Variants in UFSP2 observed in about 807,000 individuals in gnomAD.
UFSP2 encodes UFM1 specific peptidase 2.
Under a neutral mutation model 60.2 loss-of-function variants are expected in UFSP2, and 43 were observed. That is an observed-to-expected ratio of 0.71 (90% CI 0.56 to 0.92). UFSP2 has a LOEUF of 0.92. UFSP2 is among the 40% of genes least tolerant of loss of function. The probability of loss-of-function intolerance (pLI) is 0.00; values close to 1 mark genes in which losing one functional copy is unlikely to be tolerated. For synonymous variants in UFSP2, 183 were observed against 195.1 expected (o/e 0.94, Z 0.52); for missense variants, 520 against 575.0 (o/e 0.90, Z 0.98).
At chr4:185,403,426 C>T (rs1016768322) in intron 11 of UFSP2, 68 bp downstream of exon 11, 14 of 1,572,004 alleles carry the variant, frequency 8.9e-6, no homozygotes, top group Non-Finnish European at 1.2e-5. Context: ...CTGTTACCAG[C>T]CAGTTTGTGA....
At position 185,399,906 on chromosome 4, in the gene UFSP2, G is replaced by A; in HGVS notation, c.*486C>T. 6.5e-7 allele frequency: 1 copy of A among 1,542,276 alleles called. No individual in the cohort carries two copies. The highest frequency in any genetic ancestry group is 8.7e-7 in the Non-Finnish European group (1 of 1,146,912). ...TCATTCTCATTAACATTTTAGTACT[G>A]GTTATACTTACCAGAGTCTAGAGAC... is the stretch of plus-strand genomic sequence containing the variant. On this transcript the variant is annotated 3_prime_UTR_variant, in exon 12 of 12. Transcript: ENST00000264689.
At position 185,408,023 on chromosome 4, in the gene UFSP2, A is replaced by G; in HGVS notation, c.1034T>C (p.Val345Ala). 6.2e-7 allele frequency: 1 copy of G among 1,614,096 alleles called. No homozygotes were observed. The change falls in exon 9 of 12, where the codon GTC (valine) becomes GCC (alanine). Residue 345 changes from valine to alanine, a missense_variant. Transcript: ENST00000264689. ...AGATCCAATCCATTGCCGCGATCCG[A>G]CAAATGTTGCTGGTTTGTCCCCGGC... ...VDAGDKPATFVGSRQWIGSIE... is the reference protein window; with the variant it reads ...VDAGDKPATFAGSRQWIGSIE...
rs372024212 is a variant in UFSP2, at chr4:185,415,359, A to G, written c.492-12T>C. 1.3e-5 allele frequency: 21 copies of G among 1,558,474 alleles called. 1 individual carries two copies. In the African/African-American group the frequency reaches 2.5e-4, roughly 19 times the overall value. Reference sequence around the variant, plus strand: ...GGAGTTTACGAACTCTGTGGGGGGAAATATATAAGTGTATTAACAAAAGTT... The same window carrying G: ...GGAGTTTACGAACTCTGTGGGGGGAGATATATAAGTGTATTAACAAAAGTT... On this transcript the variant is annotated splice_polypyrimidine_tract_variant and intron_variant, in intron 5 of 11. Transcript: ENST00000264689.
At chr4:185,417,024 G>A (rs1372002287) in intron 4 of UFSP2, among the ~76,000 whole-genome samples, 3 of 152,136 alleles carry the variant, frequency 2.0e-5, no homozygotes, top group African/African-American at 7.2e-5. Flanking sequence ...CTTCCCACAA[G>A]ATACTAATTA....
At chr4:185,417,872 C>A (rs927286727) in intron 4 of UFSP2, among the ~76,000 whole-genome samples, 8 of 152,076 alleles carry the variant, frequency 5.3e-5, no homozygotes, top group African/African-American at 9.7e-5. Flanking sequence ...GGTAAAATCC[C>A]ATCTCTACTA....
In UFSP2 at chr4:185,408,265, CT is replaced by C. The variant is rs777162196; in HGVS notation, c.996+5del. On this transcript the variant is annotated splice_donor_5th_base_variant and intron_variant, in intron 8 of 11. Coordinates refer to ENST00000264689, the MANE Select transcript of UFSP2 (RefSeq NM_018359.5). ...TGATTATAATTTAAAACGGTATGTTCTGTACCTGCTGAATTTCTCTGTGTGT... is the reference window on the plus strand; with the variant it reads ...TGATTATAATTTAAAACGGTATGTTCGTACCTGCTGAATTTCTCTGTGTGT... The C allele has an allele frequency of 6.2e-7, 1 of 1,613,526 alleles. No homozygotes were observed. The highest frequency in any genetic ancestry group is 8.5e-7 in the Non-Finnish European group (1 of 1,179,540).
chr4:185,420,458 T>A (rs1189879872), intron 2 of UFSP2, among the ~76,000 whole-genome samples: 1 of 152,156 alleles, frequency 6.6e-6, no homozygotes, highest in African/African-American at 2.4e-5. Context: ...TTTAACCTTG[T>A]AAATATTTAT....
rs2095511083 is a variant in UFSP2, at chr4:185,399,842, CCATTT to C, written c.*545_*549del. 8 of 1,589,566 alleles carry C rather than the reference CCATTT, an allele frequency of 5.0e-6. No homozygotes were observed. The highest frequency in any genetic ancestry group is 2.7e-5 in the African/African-American group (2 of 74,212). Reference sequence around the variant, plus strand: ...TCTTGTTTGCATAGCATTTATTATTCCATTTAATACTGACACTCGTATTTCTAGTA... The same window carrying C: ...TCTTGTTTGCATAGCATTTATTATTCAATACTGACACTCGTATTTCTAGTA... On this transcript the variant is annotated 3_prime_UTR_variant, in exon 12 of 12. Coordinates refer to ENST00000264689, the MANE Select transcript of UFSP2 (RefSeq NM_018359.5).
Position 185,413,862 on chromosome 4 carries a change from T to A in UFSP2, c.695A>T (p.Asp232Val), listed in dbSNP as rs959566033. ...QLQAYRKELH[D>V]LFNLPHDRPY... ...TCTGTCGTGAGGCAGATTGAAAAGA[T>A]CATGTAACTCCTAAAATAAATCAGA... Residue 232 changes from aspartate to valine, a missense_variant, in exon 7 of 12, where the codon GAT becomes GTT. Coordinates refer to ENST00000264689, the MANE Select transcript of UFSP2 (RefSeq NM_018359.5). 3.1e-6 allele frequency: 5 copies of A among 1,601,936 alleles called. No individual in the cohort carries two copies. The highest frequency in any genetic ancestry group is 4.3e-6 in the Non-Finnish European group (5 of 1,176,276).
chr4:185,425,812 G>T, intron 1 of UFSP2, 54 bp downstream of exon 1: 1 of 1,585,102 alleles, frequency 6.3e-7, no homozygotes, highest in African/African-American at 1.3e-5. Context: ...GCTCGTGGCG[G>T]CTGCCAAAGT....
Position 185,418,616 on chromosome 4 carries a change from A to G in UFSP2, c.237T>C (p.Ser79=), listed in dbSNP as rs78119878. Residue 79 remains serine (S), a synonymous_variant, in exon 3 of 12, where the codon TCT becomes TCC. Transcript: ENST00000264689. ...TAAAGCGCAGTATGTTCTTACAAGC[A>G]GAAGCATCAGTCAGTTCTCCAGGAA... ...NTIPGELTDA[S]ACKNILRFIQ... The G allele has an allele frequency of 8.1e-4, 1,301 of 1,613,602 alleles. 14 individuals are homozygous for G. The African/African-American group carries it at 0.015, about 19-fold the overall frequency.
chr4:185,418,047 A>AACACACACACAC (rs56260529), intron 4 of UFSP2, among the ~76,000 whole-genome samples: 1,702 of 143,026 alleles, frequency 0.012, 17 homozygotes, highest in African/African-American at 0.028. Flanking sequence ...TCCATCTCAA[A>AACACACACACAC]ACACACACAC....
intron 10 of UFSP2, among the ~76,000 whole-genome samples, chr4:185,405,306 C>T (rs532953456): frequency 6.6e-6 from 1 of 152,234 alleles, no homozygotes; most frequent in Admixed American, 6.5e-5. Context: ...CTTCTACCTC[C>T]ATTTCTTACA....
At chr4:185,412,427 C>T (rs1022410656) in intron 7 of UFSP2, among the ~76,000 whole-genome samples, 1 of 152,082 alleles carries the variant, frequency 6.6e-6, no homozygotes. Flanking sequence ...CGTACTGTAT[C>T]GTATATGCAT....
At chr4:185,401,384 CAG>C (rs1395797658) in intron 11 of UFSP2, among the ~76,000 whole-genome samples, 2 of 152,134 alleles carry the variant, frequency 1.3e-5, no homozygotes, top group South Asian at 2.1e-4. Flanking sequence ...TCTTAACAGA[CAG>C]AGAAAAAAGG....
chr4:185,406,725 G>A (rs933246121), intron 9 of UFSP2, among the ~76,000 whole-genome samples: 9 of 151,952 alleles, frequency 5.9e-5, no homozygotes, highest in African/African-American at 2.2e-4. Context: ...ACAGACGTGT[G>A]CCACCATGCC....
intron 9 of UFSP2, among the ~76,000 whole-genome samples, chr4:185,406,995 TTTTA>T (rs2095521402): frequency 6.6e-6 from 1 of 150,610 alleles, no homozygotes; most frequent in African/African-American, 2.4e-5. Context: ...AGAAAATGTA[TTTTA>T]TTTGTTTTTT....
intron 6 of UFSP2, 84 bp from the exon 7 acceptor site, chr4:185,413,956 T>C (rs911084082): frequency 7.9e-7 from 1 of 1,261,834 alleles, no homozygotes; most frequent in Non-Finnish European, 1.1e-6. Context: ...TTATTAAACA[T>C]GGAAAATTAT....
rs1189894740 is a variant in UFSP2, at chr4:185,400,270, T to C, written c.*122A>G. 1.2e-6 allele frequency: 1 copy of C among 867,216 alleles called. No homozygotes were observed. The highest frequency in any genetic ancestry group is 2.6e-5 in the East Asian group (1 of 39,022). 53.7% of individuals were successfully genotyped at this position (867,216 alleles called of 1,614,324 possible). On this transcript the variant is annotated 3_prime_UTR_variant, in exon 12 of 12. Transcript: ENST00000264689. ...ATTCTCCGTGCAGTATTTACAACCTTTGAAAAAGGTCATAATTTAAATCGT... is the reference window on the plus strand; with the variant it reads ...ATTCTCCGTGCAGTATTTACAACCTCTGAAAAAGGTCATAATTTAAATCGT...
Sources: allele counts gnomAD v4.1 joint callset (sites outside exome capture counted in the v4.1 genomes callset), GRCh38; gene constraint gnomAD v4.1.1; transcripts MANE v1.5; gene names NCBI Gene and HGNC (gene_info 2026-07-23, HGNC 2026-07-21).